PCDHGB4: variants seen among roughly 807,000 people sequenced by gnomAD.
PCDHGB4 encodes protocadherin gamma subfamily B, 4, also known as protocadherin gamma-B4.
In PCDHGB4, 38 loss-of-function variants were observed where a neutral mutation model predicts 60.5. That is an observed-to-expected ratio of 0.63 (90% CI 0.48 to 0.82). The LOEUF is 0.82. Ranked by LOEUF, PCDHGB4 falls within the 40% of genes least tolerant of loss-of-function variation. The probability of loss-of-function intolerance (pLI) is 0.00; values close to 1 mark genes in which losing one functional copy is unlikely to be tolerated. For missense variants in PCDHGB4, 1,109 were observed against 1,209.6 expected (o/e 0.92, Z 1.23); for synonymous variants, 456 against 509.7 (o/e 0.89, Z 1.42).
At chr5:141,402,908 G>A (rs772824235) in intron 1 of PCDHGB4, 1 of 1,545,226 alleles carries the variant, frequency 6.5e-7, no homozygotes, top group Admixed American at 2.0e-5. Context: ...TGATGAAGCA[G>A]CGCGCACAGA....
At position 141,431,353 on chromosome 5, in the gene PCDHGB4, C is replaced by T. The variant is rs1273946805; in HGVS notation, c.2397+41072C>T. 1 of 1,613,940 alleles carries T rather than the reference C, an allele frequency of 6.2e-7. No homozygotes were observed. Among genetic ancestry groups the T allele is most frequent in the Non-Finnish European group, 8.5e-7 (1 of 1,180,042 alleles). On this transcript the variant is annotated intron_variant, in intron 1 of 3. Coordinates refer to ENST00000519479, the MANE Select transcript of PCDHGB4 (RefSeq NM_003736.4). This position sits in a 1 kb window ranked among gnomAD's most constrained non-coding sequence, Gnocchi z 4.8. ...AGTACCCCGAATTGGTGCTGAAACG[C>T]GCCCTGGACCGCGAAGAAAAGGCTG...
rs762687404 is a variant in PCDHGB4 at position 141,486,468 on chromosome 5, A to G, written c.2398-8339A>G. Reference sequence around the variant, plus strand: ...ATGGTCACTGCTTCTGATGCTGGGAACCCTCCTCTCAGTACCCACAGAACT... The same window carrying G: ...ATGGTCACTGCTTCTGATGCTGGGAGCCCTCCTCTCAGTACCCACAGAACT... On this transcript the variant is annotated intron_variant, in intron 1 of 3. Transcript: ENST00000519479. This position sits in a 1 kb window ranked among gnomAD's most constrained non-coding sequence, Gnocchi z 5.0. The G allele has an allele frequency of 1.2e-6, 2 of 1,612,906 alleles. No individual in the cohort carries two copies. Among genetic ancestry groups the G allele is most frequent in the Middle Eastern group, 1.6e-4 (1 of 6,062 alleles).
chr5:141,400,559 C>T (rs2150864766), intron 1 of PCDHGB4: 2 of 1,613,274 alleles, frequency 1.2e-6, no homozygotes, highest in Non-Finnish European at 1.7e-6. Flanking sequence ...TTTTCATTAC[C>T]CACCCAATTT....
intron 1 of PCDHGB4, chr5:141,413,935 A>G: frequency 1.2e-6 from 2 of 1,613,372 alleles, no homozygotes; most frequent in Non-Finnish European, 1.7e-6. Flanking sequence ...ATACCGAGTG[A>G]GTGTTCCTGA....
chr5:141,470,444 A>G (rs970120314), intron 1 of PCDHGB4, among the ~76,000 whole-genome samples: 8 of 152,222 alleles, frequency 5.3e-5, no homozygotes, highest in African/African-American at 1.9e-4. Context: ...ATAATTTAAT[A>G]GCATCTTGAA....
chr5:141,477,970 T>G lies in PCDHGB4; in HGVS notation c.2398-16837T>G. ...TCTTGGGATCCCCTAACCAGAGCCTTTTTGCCATAGGGCTGCACACTGGTC... is the reference window on the plus strand; with the variant it reads ...TCTTGGGATCCCCTAACCAGAGCCTGTTTGCCATAGGGCTGCACACTGGTC... On this transcript the variant is annotated intron_variant, in intron 1 of 3. Coordinates refer to ENST00000519479, the MANE Select transcript of PCDHGB4 (RefSeq NM_003736.4). This position sits in a 1 kb window ranked among gnomAD's most constrained non-coding sequence, Gnocchi z 4.9. 1 of 1,614,090 alleles carries G rather than the reference T, an allele frequency of 6.2e-7. No homozygotes were observed. The highest frequency in any genetic ancestry group is 8.5e-7 in the Non-Finnish European group (1 of 1,180,002).
rs759272109 is a variant in PCDHGB4, at chr5:141,420,170, G to A, written c.2397+29889G>A. ...TCCAGAATTTAATTTTTTCACATCTGTTGATCATTGTCCAGCCACACAAGA... is the reference window on the plus strand; with the variant it reads ...TCCAGAATTTAATTTTTTCACATCTATTGATCATTGTCCAGCCACACAAGA... On this transcript the variant is annotated intron_variant, in intron 1 of 3. Coordinates refer to ENST00000519479, the MANE Select transcript of PCDHGB4 (RefSeq NM_003736.4). 22 of 1,613,846 alleles carry A rather than the reference G, an allele frequency of 1.4e-5. No homozygotes were observed. Among genetic ancestry groups the A allele is most frequent in the Non-Finnish European group, 1.8e-5 (21 of 1,179,888 alleles).
At position 141,394,947 on chromosome 5, in the gene PCDHGB4, C is replaced by T. The variant is rs536743847; in HGVS notation, c.2397+4666C>T. The T allele has an allele frequency of 1.7e-5, 27 of 1,613,892 alleles. No homozygotes were observed. In the African/African-American group the frequency reaches 2.8e-4, roughly 17 times the overall value. Reference sequence around the variant, plus strand: ...CTTCCTCGCCTTTGTCGCTGTGCTTCTGGGGCTCAGGCTGAGGCGCTGGCA... The same window carrying T: ...CTTCCTCGCCTTTGTCGCTGTGCTTTTGGGGCTCAGGCTGAGGCGCTGGCA... On this transcript the variant is annotated intron_variant, in intron 1 of 3. Coordinates refer to ENST00000519479, the MANE Select transcript of PCDHGB4 (RefSeq NM_003736.4).
At chr5:141,438,249 A>G (rs1166079222) in intron 1 of PCDHGB4, among the ~76,000 whole-genome samples, 2 of 152,168 alleles carry the variant, frequency 1.3e-5, no homozygotes, top group Non-Finnish European at 2.9e-5. Context: ...AAAAACTGTC[A>G]TTGAAGAGAC....
At chr5:141,421,320 G>C (rs1561793188) in intron 1 of PCDHGB4, 1 of 1,613,904 alleles carries the variant, frequency 6.2e-7, no homozygotes, top group East Asian at 2.2e-5. Flanking sequence ...GGGCCAGGCA[G>C]ATCCGATATT....
At chr5:141,436,074 G>A (rs1048063491) in intron 1 of PCDHGB4, among the ~76,000 whole-genome samples, 3 of 152,058 alleles carry the variant, frequency 2.0e-5, no homozygotes, top group Non-Finnish European at 4.4e-5. Context: ...TAAGTACAGT[G>A]TTCTATAGGT....
At chr5:141,399,979 C>A (rs1402446986) in intron 1 of PCDHGB4, 5 of 1,612,154 alleles carry the variant, frequency 3.1e-6, no homozygotes, top group Non-Finnish European at 4.2e-6. Context: ...CCTGGGGCTG[C>A]GCACAGGAGA....
chr5:141,389,918 C>T lies in PCDHGB4; in HGVS notation c.2034C>T (p.Asp678=), dbSNP rs1341057088. The change falls in exon 1 of 4, where the codon GAC becomes GAT. Residue 678 remains aspartate (D), a synonymous_variant. Coordinates refer to ENST00000519479, the MANE Select transcript of PCDHGB4 (RefSeq NM_003736.4). ...TGCCGGATATCACTGACCGCCCCGA[C>T]CCCTCTGACCTCCAGGCTGAGCTGC... The part of the protein sequence containing the change: ...EVLPDITDRP[D]PSDLQAELQF... 1 of 1,614,086 alleles carries T rather than the reference C, an allele frequency of 6.2e-7. No homozygotes were observed. Among genetic ancestry groups the T allele is most frequent in the Non-Finnish European group, 8.5e-7 (1 of 1,179,910 alleles).
chr5:141,447,023 G>GTTT, intron 1 of PCDHGB4, among the ~76,000 whole-genome samples: 1 of 151,542 alleles, frequency 6.6e-6, no homozygotes, highest in African/African-American at 2.4e-5. Context: ...GTTTTGTTTT[G>GTTT]TTTTTTTTCT....
intron 1 of PCDHGB4, chr5:141,403,717 G>T: frequency 6.2e-7 from 1 of 1,613,936 alleles, no homozygotes; most frequent in Non-Finnish European, 8.5e-7. Flanking sequence ...TTGAGAACGT[G>T]CCCCCAGGCA....
Position 141,476,758 on chromosome 5 carries a change from G to A in PCDHGB4, c.2398-18049G>A. On this transcript the variant is annotated intron_variant, in intron 1 of 3. Transcript: ENST00000519479. The surrounding 1 kb of genome is among the most constrained non-coding windows in gnomAD (Gnocchi z 7.6). Reference sequence around the variant, plus strand: ...GGGAGCCTAGTCTCCAGTTAGTGCTGACGGCGTTGGACGGAGGGACCCCAG... The same window carrying A: ...GGGAGCCTAGTCTCCAGTTAGTGCTAACGGCGTTGGACGGAGGGACCCCAG... 1 of 1,613,868 alleles carries A rather than the reference G, an allele frequency of 6.2e-7. No homozygotes were observed. The highest frequency in any genetic ancestry group is 1.1e-5 in the South Asian group (1 of 91,086).
intron 1 of PCDHGB4, among the ~76,000 whole-genome samples, chr5:141,466,008 G>C (rs1298363274): frequency 6.6e-6 from 1 of 151,970 alleles, no homozygotes; most frequent in Non-Finnish European, 1.5e-5. Flanking sequence ...TGTAGTCCCA[G>C]CTACTCGGGA....
intron 1 of PCDHGB4, chr5:141,393,562 A>C: frequency 6.2e-7 from 1 of 1,613,964 alleles, no homozygotes; most frequent in Non-Finnish European, 8.5e-7. Context: ...TACCGAGTGA[A>C]AGTCCTTGAG....
In PCDHGB4 at chr5:141,419,332, C is replaced by T. The variant is rs1356380695; in HGVS notation, c.2397+29051C>T. On this transcript the variant is annotated intron_variant, in intron 1 of 3. Transcript: ENST00000519479. Reference sequence around the variant, plus strand: ...TCAACGGCCGTGTCTCCTACTCTCTCATTGCCAGCGACCTGGAGTCACGAA... The same window carrying T: ...TCAACGGCCGTGTCTCCTACTCTCTTATTGCCAGCGACCTGGAGTCACGAA... 3.7e-6 allele frequency: 6 copies of T among 1,613,832 alleles called. No individual in the cohort carries two copies. The Admixed American group carries it at 8.3e-5, about 22-fold the overall frequency.
Sources: allele counts gnomAD v4.1 joint callset (sites outside exome capture counted in the v4.1 genomes callset), GRCh38; gene constraint gnomAD v4.1.1; non-coding constraint Gnocchi (gnomAD v3.1); transcripts MANE v1.5; gene names NCBI Gene and HGNC (gene_info 2026-07-23, HGNC 2026-07-21).